ANKRD11: variants seen among roughly 807,000 people sequenced by gnomAD.
The protein encoded by ANKRD11 is ankyrin repeat domain 11.
In ANKRD11, 17 loss-of-function variants were observed where a neutral mutation model predicts 195.7. That is an observed-to-expected ratio of 0.09 (90% confidence interval 0.06 to 0.13). ANKRD11 has a LOEUF of 0.13. Among genes scored for constraint, ANKRD11 ranks in the 10% least tolerant of loss-of-function variants. The pLI is 1.00. For synonymous variants in ANKRD11, 1,953 were observed against 1,528.1 expected (o/e 1.28, Z -6.49); for missense variants, 3,735 against 3,566.1 (o/e 1.05, Z -1.21).
chr16:89,334,172 AAC>A (rs2038223907), intron 2 of ANKRD11, among the ~76,000 whole-genome samples: 3 of 148,972 alleles, frequency 2.0e-5, no homozygotes, highest in South Asian at 4.2e-4. Context: ...AAAAAAAAAA[AAC>A]AGAGAGAGAG....
intron 2 of ANKRD11, among the ~76,000 whole-genome samples, chr16:89,385,632 A>G (rs1214557316): frequency 6.6e-6 from 1 of 152,216 alleles, no homozygotes; most frequent in Non-Finnish European, 1.5e-5. Context: ...ACGATGATGC[A>G]TTTCCACATT....
At chr16:89,396,991 G>C (rs1226370089) in intron 2 of ANKRD11, among the ~76,000 whole-genome samples, 1 of 151,998 alleles carries the variant, frequency 6.6e-6, no homozygotes, top group African/African-American at 2.4e-5. Flanking sequence ...GACTTGACCA[G>C]ATCACTAATT....
intron 2 of ANKRD11, among the ~76,000 whole-genome samples, chr16:89,318,474 G>A (rs149656031): frequency 1.3e-5 from 2 of 152,348 alleles, no homozygotes; most frequent in African/African-American, 2.4e-5. Flanking sequence ...CGACCATGCC[G>A]GGAGAAGCAG....
chr16:89,479,569 A>C (rs2057373550), intron 1 of ANKRD11, among the ~76,000 whole-genome samples: 1 of 151,856 alleles, frequency 6.6e-6, no homozygotes, highest in Non-Finnish European at 1.5e-5. Flanking sequence ...CAGGAGGCGG[A>C]GGTTGCAGTG....
At chr16:89,363,941 G>C (rs2039840152) in intron 2 of ANKRD11, among the ~76,000 whole-genome samples, 1 of 152,130 alleles carries the variant, frequency 6.6e-6, no homozygotes, top group Non-Finnish European at 1.5e-5. Flanking sequence ...CATGCCTGCA[G>C]TCCCAGCAAC....
intron 2 of ANKRD11, among the ~76,000 whole-genome samples, chr16:89,408,384 C>A (rs1196376819): frequency 6.6e-6 from 1 of 152,260 alleles, no homozygotes; most frequent in African/African-American, 2.4e-5. Flanking sequence ...AGGCCAGCAT[C>A]AGCACCCAGT....
Position 89,306,768 on chromosome 16 carries a change from C to T in ANKRD11, c.88-1424G>A, listed in dbSNP as rs1237871100. 8.0e-5 allele frequency among the ~76,000 whole-genome samples: 3 copies of T among 37,612 alleles called. 1 individual carries two copies. Among genetic ancestry groups the T allele is most frequent in the Non-Finnish European group, 1.5e-4 (3 of 20,266 alleles). 24.7% of individuals were successfully genotyped at this position (37,612 alleles called of 152,430 possible). ...GCAGACACGCGCCACTTACCTCCCA[C>T]TCCGCAGACACGCGCCACCTACCTC... On this transcript the variant is annotated intron_variant, in intron 3 of 12. Coordinates refer to ENST00000301030, the MANE Select transcript of ANKRD11 (RefSeq NM_013275.6).
At chr16:89,442,478 T>C (rs1316709918) in intron 1 of ANKRD11, among the ~76,000 whole-genome samples, 2 of 152,152 alleles carry the variant, frequency 1.3e-5, no homozygotes, top group African/African-American at 4.8e-5. Context: ...CAAACGCCCC[T>C]TTATGCACAG....
At chr16:89,368,143 C>T (rs1235382637) in intron 2 of ANKRD11, among the ~76,000 whole-genome samples, 2 of 152,164 alleles carry the variant, frequency 1.3e-5, no homozygotes, top group Non-Finnish European at 2.9e-5. Context: ...ATAAGTCCTA[C>T]ATCAAACCAG....
intron 1 of ANKRD11, among the ~76,000 whole-genome samples, chr16:89,428,640 A>G (rs1297947628): frequency 6.6e-6 from 1 of 152,104 alleles, no homozygotes; most frequent in African/African-American, 2.4e-5. Context: ...CCATGCCTGT[A>G]ATCCCAGCAC....
At position 89,285,531 on chromosome 16, in the gene ANKRD11, C is replaced by T. The variant is rs539549641; in HGVS notation, c.1011G>A (p.Gln337=). ...LKHKAKNPEP[Q]KATAPVKDEY... ...CGTCCTTGACGGGGGCCGTGGCCTT[C>T]TGTGGCTCTGGGTTCTTGGCCTTGT... The change falls in exon 9 of 13, where the codon CAG becomes CAA. Residue 337 remains glutamine (Q), a synonymous_variant. Coordinates refer to ENST00000301030, the MANE Select transcript of ANKRD11 (RefSeq NM_013275.6). The surrounding 1 kb of genome is among the most constrained non-coding windows in gnomAD (Gnocchi z 5.6). 1.9e-6 allele frequency: 3 copies of T among 1,614,044 alleles called. No individual in the cohort carries two copies. The South Asian group carries it at 3.3e-5, about 18-fold the overall frequency.
Position 89,285,285 on chromosome 16 carries a change from G to C in ANKRD11, c.1257C>G (p.Thr419=). The change falls in exon 9 of 13, where the codon ACC becomes ACG. Residue 419 remains threonine (T), a synonymous_variant. Coordinates refer to ENST00000301030, the MANE Select transcript of ANKRD11 (RefSeq NM_013275.6). The surrounding 1 kb of genome is among the most constrained non-coding windows in gnomAD (Gnocchi z 5.6). ...DTSDEEDASV[T]VGTGEKLRLS... ...GTCTCAGCTTCTCTCCTGTCCCCAC[G>C]GTGACACTCGCGTCCTCCTCGTCCG... 1.9e-6 allele frequency: 3 copies of C among 1,613,824 alleles called. No individual in the cohort carries two copies. The highest frequency in any genetic ancestry group is 2.5e-6 in the Non-Finnish European group (3 of 1,180,020).
At chr16:89,469,140 A>T (rs947731020) in intron 1 of ANKRD11, among the ~76,000 whole-genome samples, 4 of 152,014 alleles carry the variant, frequency 2.6e-5, no homozygotes, top group African/African-American at 9.7e-5. Flanking sequence ...CCACCACTGC[A>T]CTGCACTTCA....
chr16:89,415,829 C>CAAA (rs71134220), intron 2 of ANKRD11, among the ~76,000 whole-genome samples: 631 of 39,694 alleles, frequency 0.016, 35 homozygotes, highest in Middle Eastern at 0.023. Context: ...GACTCTGTCT[C>CAAA]AAAAAAAAAA....
intron 3 of ANKRD11, among the ~76,000 whole-genome samples, chr16:89,306,877 T>C (rs2036306448): frequency 7.7e-6 from 1 of 129,072 alleles, no homozygotes; most frequent in South Asian, 2.5e-4. Flanking sequence ...CACCTCCCAC[T>C]CCACAGACAC....
chr16:89,439,190 A>T (rs2043342124), intron 1 of ANKRD11, among the ~76,000 whole-genome samples: 1 of 152,156 alleles, frequency 6.6e-6, no homozygotes, highest in East Asian at 1.9e-4. Flanking sequence ...CGCAGCACTG[A>T]AGGTTCAAGG....
chr16:89,340,000 T>C (rs2038578916), intron 2 of ANKRD11: 1 of 152,238 alleles, frequency 6.6e-6, no homozygotes, highest in African/African-American at 2.4e-5. Flanking sequence ...GTTCTACTAT[T>C]CTTATGACAA....
intron 12 of ANKRD11, among the ~76,000 whole-genome samples, 180 bp from the exon 13 acceptor site, chr16:89,268,843 G>A (rs968985287): frequency 2.6e-5 from 4 of 152,266 alleles, no homozygotes; most frequent in Admixed American, 1.3e-4. Context: ...GGTAGCGCCA[G>A]CTGTGCTACA....
chr16:89,287,151 G>A, intron 7 of ANKRD11: 1 of 1,272,048 alleles, frequency 7.9e-7, no homozygotes, highest in South Asian at 1.2e-5. Flanking sequence ...GGCTGGGACG[G>A]AGGTCCCCAG....
Sources: allele counts gnomAD v4.1 joint callset (sites outside exome capture counted in the v4.1 genomes callset), GRCh38; gene constraint gnomAD v4.1.1; non-coding constraint Gnocchi (gnomAD v3.1); transcripts MANE v1.5; gene names NCBI Gene and HGNC (gene_info 2026-07-23, HGNC 2026-07-21).